MLF1: variants seen among roughly 807,000 people sequenced by gnomAD.
MLF1 encodes myeloid leukemia factor 1.
A neutral mutation model predicts 38.3 loss-of-function variants in MLF1; 37 were observed. The observed-to-expected ratio is 0.96, with a 90% confidence interval of 0.74 to 1.27. The LOEUF (loss-of-function observed/expected upper bound fraction) is 1.27. MLF1 is among the 50% of genes most tolerant of loss of function. The pLI is 0.00. For synonymous variants in MLF1, 95 were observed against 106.5 expected (o/e 0.89, Z 0.66); for missense variants, 331 against 349.2 (o/e 0.95, Z 0.42).
intron 1 of MLF1, chr3:158,590,642 G>A (rs1475478167): frequency 5.4e-6 from 2 of 369,072 alleles, no homozygotes; most frequent in Non-Finnish European, 1.0e-5. Flanking sequence ...CACAAAAGAT[G>A]ACATACTATG....
chr3:158,596,798 A>G (rs1718940760), intron 3 of MLF1, 64 bp from the exon 4 acceptor site: 1 of 1,005,770 alleles, frequency 9.9e-7, no homozygotes, highest in Admixed American at 2.3e-5. Flanking sequence ...CTGTTTTGGA[A>G]GATGTATTTG....
At chr3:158,586,616 A>G (rs1325313545) in intron 1 of MLF1, among the ~76,000 whole-genome samples, 1 of 152,330 alleles carries the variant, frequency 6.6e-6, no homozygotes, top group African/African-American at 2.4e-5. Flanking sequence ...CTAGAATGCT[A>G]TCTCTTCCCC....
At chr3:158,593,356 A>G in intron 2 of MLF1, 26 bp from the exon 3 acceptor site, 1 of 1,517,568 alleles carries the variant, frequency 6.6e-7, no homozygotes, top group South Asian at 1.2e-5. Flanking sequence ...TGTCATAATC[A>G]AATGAATTGG....
chr3:158,587,334 G>A (rs1217822773), intron 1 of MLF1, among the ~76,000 whole-genome samples: 1 of 152,138 alleles, frequency 6.6e-6, no homozygotes, highest in Non-Finnish European at 1.5e-5. Context: ...ATTTTTAAAA[G>A]GTGTTTGCCC....
chr3:158,585,243 C>T (rs1169127615), intron 1 of MLF1, among the ~76,000 whole-genome samples: 2 of 151,912 alleles, frequency 1.3e-5, no homozygotes, highest in African/African-American at 2.4e-5. Context: ...AGTGAGTTCT[C>T]ACTTTATTGG....
intron 1 of MLF1, chr3:158,590,860 C>T (rs570196249): frequency 3.4e-5 from 15 of 447,306 alleles, no homozygotes; most frequent in Non-Finnish European, 5.8e-5. Flanking sequence ...TGGTAAATTT[C>T]GTTGAATGTA....
At chr3:158,593,222 T>C (rs532360205) in intron 2 of MLF1, among the ~76,000 whole-genome samples, 160 bp from the exon 3 acceptor site, 1 of 152,256 alleles carries the variant, frequency 6.6e-6, no homozygotes, top group Non-Finnish European at 1.5e-5. Context: ...GCCTCATGAA[T>C]GATAGTTCTA....
chr3:158,599,224 G>A (rs571872788), intron 5 of MLF1, among the ~76,000 whole-genome samples: 49 of 152,274 alleles, frequency 3.2e-4, no homozygotes, highest in South Asian at 1.2e-3. Flanking sequence ...CTTATACAGA[G>A]TCTAGGAGTG....
chr3:158,588,882 G>A (rs1406155460), intron 1 of MLF1: 2 of 456,492 alleles, frequency 4.4e-6, no homozygotes, highest in African/African-American at 4.0e-5. Context: ...TGCAGCAGCT[G>A]AAACTGAAGC....
intron 1 of MLF1, among the ~76,000 whole-genome samples, chr3:158,580,415 C>G (rs149246206): frequency 6.6e-6 from 1 of 152,110 alleles, no homozygotes; most frequent in East Asian, 1.9e-4. Context: ...AAACAAAAAA[C>G]GACTCCCTTT....
intron 1 of MLF1, 107 bp from the exon 2 acceptor site, chr3:158,592,327 A>G: frequency 1.1e-6 from 1 of 911,836 alleles, no homozygotes; most frequent in Non-Finnish European, 1.6e-6. Context: ...CTCTTCTTTT[A>G]TCTAACAAAC....
intron 7 of MLF1, among the ~76,000 whole-genome samples, 197 bp downstream of exon 7, chr3:158,603,136 G>T (rs914812760): frequency 1.3e-5 from 2 of 152,124 alleles, no homozygotes; most frequent in Non-Finnish European, 2.9e-5. Context: ...ATCAATAATA[G>T]TTTAGGATTT....
intron 1 of MLF1, among the ~76,000 whole-genome samples, chr3:158,573,813 T>G (rs1242639872): frequency 6.6e-6 from 1 of 152,024 alleles, no homozygotes; most frequent in Middle Eastern, 3.2e-3. Flanking sequence ...GCGTCTGTGT[T>G]TGTTTGTTTG....
chr3:158,597,962 A>G, intron 4 of MLF1, 118 bp from the exon 5 acceptor site: 1 of 1,105,358 alleles, frequency 9.0e-7, no homozygotes, highest in Non-Finnish European at 1.3e-6. Flanking sequence ...TGACTACACC[A>G]TATTGGTAGT....
At chr3:158,573,573 C>G (rs1167803083) in intron 1 of MLF1, 1 of 151,858 alleles carries the variant, frequency 6.6e-6, no homozygotes, top group East Asian at 1.9e-4. Context: ...TAACTTTGGC[C>G]ATTGTTACAA....
In MLF1 at chr3:158,571,243, G is replaced by A; in HGVS notation, c.-58G>A. On this transcript the variant is annotated 5_prime_UTR_variant, in exon 1 of 8. Coordinates refer to ENST00000466246, the MANE Select transcript of MLF1 (RefSeq NM_001369783.1). ...GGCTAGCTCTTGTCGCGGCCGCGGC[G>A]AGTTAACATCGTTTTTCCAATCTGT... is the stretch of plus-strand genomic sequence containing the variant. The A allele has an allele frequency of 7.1e-7, 1 of 1,411,430 alleles. No individual in the cohort carries two copies. The highest frequency in any genetic ancestry group is 1.0e-6 in the Non-Finnish European group (1 of 1,000,794). The allele number at this position is 1,411,430 out of a possible 1,614,324, so 87.4% of individuals were successfully genotyped here. A position where few individuals can be genotyped will look rare whatever the true frequency, so the allele number is the denominator to read the frequency against.
intron 6 of MLF1, among the ~76,000 whole-genome samples, chr3:158,601,582 A>T (rs1228754493): frequency 6.7e-6 from 1 of 148,336 alleles, no homozygotes; most frequent in African/African-American, 2.5e-5. Context: ...AAAAATAAAT[A>T]AATAAAATAA....
At chr3:158,592,125 T>C (rs896814828) in intron 1 of MLF1, among the ~76,000 whole-genome samples, 5 of 152,184 alleles carry the variant, frequency 3.3e-5, no homozygotes, top group South Asian at 2.1e-4. Context: ...TATTGAATAC[T>C]ATACTGAAAG....
intron 6 of MLF1, 79 bp from the exon 7 acceptor site, chr3:158,602,728 C>T: frequency 7.0e-7 from 1 of 1,431,718 alleles, no homozygotes; most frequent in Non-Finnish European, 9.6e-7. Flanking sequence ...CCAGACTAGA[C>T]TGAAATATGT....
Sources: allele counts gnomAD v4.1 joint callset (sites outside exome capture counted in the v4.1 genomes callset), GRCh38; gene constraint gnomAD v4.1.1; transcripts MANE v1.5; gene names NCBI Gene and HGNC (gene_info 2026-07-23, HGNC 2026-07-21).